The following NELL1 variants were observed in gnomAD, a reference collection of about 807,000 sequenced individuals.
NELL1 encodes neural EGFL like 1.
Under a neutral mutation model 107.4 loss-of-function variants are expected in NELL1, and 76 were observed. The ratio of observed to expected loss-of-function variants is 0.71; its 90% CI spans 0.59 to 0.86. The LOEUF is 0.86. NELL1 is among the 40% of genes least tolerant of loss of function. NELL1 has a pLI of 0.00. For synonymous variants in NELL1, 353 were observed against 341.2 expected, an observed-to-expected ratio of 1.03 and a Z score of -0.38; for missense variants, 1,024 against 1,005.5, an observed-to-expected ratio of 1.02 and a Z score of -0.25.
intron 14 of NELL1, among the ~76,000 whole-genome samples, chr11:21,273,649 G>C (rs1355781185): frequency 1.3e-5 from 2 of 152,310 alleles, no homozygotes; most frequent in African/African-American, 4.8e-5. Flanking sequence ...AGGGCAGCCA[G>C]AGAGAAAGGT....
intron 15 of NELL1, among the ~76,000 whole-genome samples, chr11:21,392,140 A>G (rs1281999849): frequency 1.3e-5 from 2 of 151,766 alleles, no homozygotes; most frequent in Admixed American, 6.6e-5. Flanking sequence ...GCTCTCAACT[A>G]TGTTCTGACC....
intron 14 of NELL1, among the ~76,000 whole-genome samples, chr11:21,230,717 G>A (rs1236063671): frequency 1.3e-5 from 2 of 152,142 alleles, no homozygotes; most frequent in East Asian, 1.9e-4. Context: ...ATTGGATTGG[G>A]GAAGAATTTT....
At chr11:21,375,161 A>G (rs932800549) in intron 15 of NELL1, among the ~76,000 whole-genome samples, 6 of 152,018 alleles carry the variant, frequency 3.9e-5, no homozygotes, top group Admixed American at 3.9e-4. Context: ...TCACTTAGGT[A>G]CTGAGAACAG....
intron 6 of NELL1, among the ~76,000 whole-genome samples, chr11:20,919,027 T>C (rs947909578): frequency 6.6e-6 from 1 of 151,998 alleles, no homozygotes; most frequent in Non-Finnish European, 1.5e-5. Flanking sequence ...ATGTTGCCTT[T>C]CTTTTTAGTT....
At chr11:21,292,643 C>T (rs534626175) in intron 14 of NELL1, among the ~76,000 whole-genome samples, 1 of 152,224 alleles carries the variant, frequency 6.6e-6, no homozygotes, top group East Asian at 1.9e-4. Context: ...GCAAAAAGAA[C>T]AAAGCTGGAG....
intron 2 of NELL1, among the ~76,000 whole-genome samples, chr11:20,712,654 T>C (rs1379871281): frequency 6.6e-6 from 1 of 152,196 alleles, no homozygotes; most frequent in Non-Finnish European, 1.5e-5. Flanking sequence ...CAGATTCTCT[T>C]GTCCCATGGG....
chr11:21,097,328 C>T (rs1854667847), intron 12 of NELL1, among the ~76,000 whole-genome samples: 1 of 152,174 alleles, frequency 6.6e-6, no homozygotes, highest in Non-Finnish European at 1.5e-5. Context: ...GTTTAATTCT[C>T]TCAGCAAGGC....
chr11:21,253,604 A>T (rs1200779862), intron 14 of NELL1, among the ~76,000 whole-genome samples: 1 of 152,122 alleles, frequency 6.6e-6, no homozygotes, highest in Non-Finnish European at 1.5e-5. Context: ...AAAGGCAACC[A>T]TATATATTAA....
intron 15 of NELL1, among the ~76,000 whole-genome samples, chr11:21,457,922 CAAG>C (rs1435525714): frequency 6.6e-6 from 1 of 152,052 alleles, no homozygotes; most frequent in East Asian, 1.9e-4. Context: ...TGGAAAATGA[CAAG>C]AAGAATCTGC....
chr11:21,221,882 G>C (rs893801187), intron 13 of NELL1, among the ~76,000 whole-genome samples: 3 of 151,824 alleles, frequency 2.0e-5, no homozygotes, highest in East Asian at 1.9e-4. Flanking sequence ...TTATAGAGGT[G>C]GTATTTCACC....
chr11:21,566,174 G>T (rs552333867), intron 17 of NELL1, among the ~76,000 whole-genome samples: 1 of 151,918 alleles, frequency 6.6e-6, no homozygotes, highest in East Asian at 2.0e-4. Flanking sequence ...CAGGCATCAG[G>T]TTGAATTTGT....
chr11:21,062,556 G>C (rs1853766684), intron 12 of NELL1, among the ~76,000 whole-genome samples: 1 of 152,098 alleles, frequency 6.6e-6, no homozygotes, highest in African/African-American at 2.4e-5. Context: ...TGGTTCATTT[G>C]CCTTTAGTGT....
At chr11:21,548,380 C>A (rs1215325981) in intron 16 of NELL1, among the ~76,000 whole-genome samples, 1 of 151,826 alleles carries the variant, frequency 6.6e-6, no homozygotes, top group Non-Finnish European at 1.5e-5. Context: ...AAGACTGGGG[C>A]AATTCCAAAA....
At chr11:21,326,860 T>C (rs1850155056) in intron 14 of NELL1, among the ~76,000 whole-genome samples, 1 of 152,194 alleles carries the variant, frequency 6.6e-6, no homozygotes, top group African/African-American at 2.4e-5. Context: ...GGTTAATCTA[T>C]TTGCATTTAA....
At chr11:21,417,196 T>C (rs926192958) in intron 15 of NELL1, among the ~76,000 whole-genome samples, 1 of 152,040 alleles carries the variant, frequency 6.6e-6, no homozygotes, top group Non-Finnish European at 1.5e-5. Context: ...CTCTTGTTTG[T>C]CTACCTCTTC....
intron 14 of NELL1, among the ~76,000 whole-genome samples, chr11:21,313,463 T>A (rs569387363): frequency 6.6e-6 from 1 of 152,296 alleles, no homozygotes; most frequent in South Asian, 2.1e-4. Flanking sequence ...GAGCGCCTGT[T>A]ACAGTGACTG....
chr11:21,014,624 A>G (rs1852523922), intron 12 of NELL1, among the ~76,000 whole-genome samples: 3 of 152,118 alleles, frequency 2.0e-5, no homozygotes, highest in Admixed American at 1.3e-4. Context: ...AAATTGCTGT[A>G]ATCTGAGGGT....
At chr11:20,970,247 G>A (rs947316335) in intron 12 of NELL1, among the ~76,000 whole-genome samples, 1 of 152,248 alleles carries the variant, frequency 6.6e-6, no homozygotes, top group East Asian at 1.9e-4. Context: ...GGCAGCTGCT[G>A]GAATTATGCA....
chr11:20,854,374 C>T (rs1848843016), intron 4 of NELL1, among the ~76,000 whole-genome samples: 1 of 152,150 alleles, frequency 6.6e-6, no homozygotes, highest in Non-Finnish European at 1.5e-5. Flanking sequence ...TCTATCTCAT[C>T]ACAAGTCTTA....
Sources: allele counts gnomAD v4.1 joint callset (sites outside exome capture counted in the v4.1 genomes callset), GRCh38; gene constraint gnomAD v4.1.1; transcripts MANE v1.5; gene names NCBI Gene and HGNC (gene_info 2026-07-23, HGNC 2026-07-21).